PDE4D: variants seen among roughly 807,000 people sequenced by gnomAD.
PDE4D encodes 3',5'-cyclic-AMP phosphodiesterase 4D.
PDE4D carries 24 observed loss-of-function variants against 87.4 expected under a neutral mutation model. The ratio of observed to expected loss-of-function variants is 0.27; its 90% CI spans 0.20 to 0.39. The LOEUF is 0.39. PDE4D is among the 10% of genes least tolerant of loss of function. PDE4D has a pLI of 1.00. For missense variants in PDE4D, 714 were observed against 1,041.0 expected (o/e 0.69, Z 4.32); for synonymous variants, 384 against 383.2 (o/e 1.00, Z -0.02).
chr5:59,901,385 A>C (rs1049599858), intron 3 of PDE4D, among the ~76,000 whole-genome samples: 2 of 152,242 alleles, frequency 1.3e-5, no homozygotes, highest in Admixed American at 1.3e-4. Flanking sequence ...ATAGTATTAT[A>C]GTATTCATGC....
At chr5:59,697,216 C>G (rs1030894719) in intron 1 of PDE4D, among the ~76,000 whole-genome samples, 4 of 152,164 alleles carry the variant, frequency 2.6e-5, no homozygotes, top group African/African-American at 9.7e-5. Flanking sequence ...CACCTAAGTA[C>G]TAGGCACTAG....
chr5:59,243,683 C>T (rs1258881277), intron 1 of PDE4D, among the ~76,000 whole-genome samples: 1 of 151,908 alleles, frequency 6.6e-6, no homozygotes, highest in Non-Finnish European at 1.5e-5. Flanking sequence ...TGGTCTCGAA[C>T]TCCTGACCTC....
intron 5 of PDE4D, among the ~76,000 whole-genome samples, chr5:59,096,918 C>T (rs769261089): frequency 6.6e-6 from 1 of 152,100 alleles, no homozygotes; most frequent in Non-Finnish European, 1.5e-5. Context: ...CAAGTGTGGA[C>T]ACAAGTGTGT....
intron 3 of PDE4D, among the ~76,000 whole-genome samples, chr5:59,967,603 A>C (rs1387512407): frequency 6.6e-6 from 1 of 152,236 alleles, no homozygotes; most frequent in Non-Finnish European, 1.5e-5. Flanking sequence ...AAAAAATGAC[A>C]GATACTGGCG....
At chr5:60,454,882 A>G (rs1460939658) in intron 1 of PDE4D, among the ~76,000 whole-genome samples, 1 of 152,054 alleles carries the variant, frequency 6.6e-6, no homozygotes, top group South Asian at 2.1e-4. Flanking sequence ...CGGCACATAC[A>G]TGAGCGGGGA....
chr5:59,010,860 C>T (rs1008587304), intron 6 of PDE4D, among the ~76,000 whole-genome samples: 1 of 152,120 alleles, frequency 6.6e-6, no homozygotes, highest in African/African-American at 2.4e-5. Context: ...GGTCCCTGAC[C>T]CCCGAGTAGC....
chr5:59,241,021 A>G (rs150132062), intron 1 of PDE4D, among the ~76,000 whole-genome samples: 1 of 152,322 alleles, frequency 6.6e-6, no homozygotes, highest in East Asian at 1.9e-4. Flanking sequence ...AAGGAGATAA[A>G]GCATGTGAAG....
chr5:60,133,846 G>A (rs1300145098), intron 2 of PDE4D, among the ~76,000 whole-genome samples: 1 of 152,030 alleles, frequency 6.6e-6, no homozygotes, highest in Non-Finnish European at 1.5e-5. Flanking sequence ...TTTTAACCTG[G>A]AGTCCACAAA....
chr5:59,313,607 A>G lies in PDE4D; in HGVS notation c.456-97639T>C, dbSNP rs547637180. 5.3e-5 allele frequency among the ~76,000 whole-genome samples: 8 copies of G among 152,244 alleles called. No individual in the cohort carries two copies. The East Asian group carries it at 1.5e-3, about 29-fold the overall frequency. On this transcript the variant is annotated intron_variant, in intron 1 of 14. Transcript: ENST00000340635. ...GCTTACTCATCTGCTCCCCCTCCAT[A>G]AAGCTTGCACAACAATATGCAGTAC...
chr5:59,386,200 G>A (rs444552), intron 1 of PDE4D, among the ~76,000 whole-genome samples: 57,423 of 151,840 alleles, frequency 0.38, 12,262 homozygotes, highest in African/African-American at 0.59. Context: ...CATCTCTGTT[G>A]GCATGAATTA....
intron 1 of PDE4D, among the ~76,000 whole-genome samples, chr5:60,482,138 T>A (rs919935464): frequency 1.3e-5 from 2 of 151,950 alleles, no homozygotes; most frequent in Non-Finnish European, 2.9e-5. Flanking sequence ...GTCATGAGAG[T>A]GGAGCCATCA....
chr5:59,771,478 A>AGAGAG (rs879905597), intron 1 of PDE4D, among the ~76,000 whole-genome samples: 272 of 102,670 alleles, frequency 2.6e-3, no homozygotes, highest in African/African-American at 6.3e-3. Flanking sequence ...AGAAAGAAAG[A>AGAGAG]AAGAAAGAGA....
At chr5:59,957,643 T>C (rs1289789525) in intron 3 of PDE4D, among the ~76,000 whole-genome samples, 1 of 152,100 alleles carries the variant, frequency 6.6e-6, no homozygotes, top group African/African-American at 2.4e-5. Flanking sequence ...AGGAAAGTCA[T>C]ATTTTAATTG....
At chr5:59,820,645 C>T (rs748920250) in intron 1 of PDE4D, among the ~76,000 whole-genome samples, 11 of 152,166 alleles carry the variant, frequency 7.2e-5, no homozygotes, top group Non-Finnish European at 1.2e-4. Context: ...TCATCTGACA[C>T]GAACATGCAG....
intron 1 of PDE4D, among the ~76,000 whole-genome samples, chr5:59,442,734 G>A (rs1797825599): frequency 6.6e-6 from 1 of 152,184 alleles, no homozygotes; most frequent in African/African-American, 2.4e-5. Flanking sequence ...CCTGGCAGTA[G>A]AGGGTCATTA....
At chr5:60,331,064 T>C (rs572467983) in intron 1 of PDE4D, among the ~76,000 whole-genome samples, 1 of 152,336 alleles carries the variant, frequency 6.6e-6, no homozygotes, top group South Asian at 2.1e-4. Context: ...ACTCAGCAAA[T>C]ATTTATTGCA....
At chr5:60,018,745 G>T (rs1292430409) in intron 2 of PDE4D, among the ~76,000 whole-genome samples, 1 of 152,092 alleles carries the variant, frequency 6.6e-6, no homozygotes, top group Non-Finnish European at 1.5e-5. Flanking sequence ...GACAAAGAAG[G>T]ACATTACATA....
chr5:59,153,770 G>A (rs1395819322), intron 5 of PDE4D, among the ~76,000 whole-genome samples: 2 of 149,316 alleles, frequency 1.3e-5, no homozygotes, highest in Non-Finnish European at 3.0e-5. Context: ...TTTTGTTGTT[G>A]TTGTTTTTTT....
rs557641483 is a variant in PDE4D, at chr5:59,176,706, T to A, written c.808+3889A>T. Among the ~76,000 whole-genome samples the A allele has an allele frequency of 7.9e-5, 12 of 152,346 alleles. 1 individual carries two copies. The highest frequency in any genetic ancestry group is 5.2e-4 in the Admixed American group (8 of 15,298). On this transcript the variant is annotated intron_variant, in intron 5 of 14. Coordinates refer to ENST00000340635, the MANE Select transcript of PDE4D (RefSeq NM_001104631.2). ...TGTAGACTGCTGAAGTTCTTAACTC[T>A]TCTTTTTTAAAAATTAGAGTTGGTT...
Sources: gnomAD v4.1 joint callset for allele counts (sites outside exome capture counted in the v4.1 genomes callset) on GRCh38, gnomAD v4.1.1 for gene constraint, MANE v1.5 for transcripts, NCBI Gene and HGNC (gene_info 2026-07-23, HGNC 2026-07-21) for gene names.